PCDHGA4: variants seen among roughly 807,000 people sequenced by gnomAD.
The protein encoded by PCDHGA4 is protocadherin gamma subfamily A, 4, also known as protocadherin gamma-A4.
PCDHGA4 carries 38 observed loss-of-function variants against 54.6 expected under a neutral mutation model. The ratio of observed to expected loss-of-function variants is 0.70; its 90% CI spans 0.54 to 0.91. The LOEUF is 0.91. Ranked by LOEUF, PCDHGA4 falls within the 40% of genes least tolerant of loss-of-function variation. The pLI, the probability that PCDHGA4 is intolerant of heterozygous loss-of-function variation, is 0.00. For synonymous variants in PCDHGA4, 511 were observed against 512.9 expected, an observed-to-expected ratio of 1.00 and a Z score of 0.05; for missense variants, 1,298 against 1,220.9, an observed-to-expected ratio of 1.06 and a Z score of -0.94.
chr5:141,406,796 T>C (rs1010773625), intron 1 of PCDHGA4, among the ~76,000 whole-genome samples: 7 of 152,362 alleles, frequency 4.6e-5, no homozygotes, highest in Admixed American at 1.3e-4. Flanking sequence ...TATTTCTGGC[T>C]CAATTCTCCA....
intron 1 of PCDHGA4, chr5:141,408,296 C>T (rs2154539952): frequency 1.2e-6 from 2 of 1,613,550 alleles, no homozygotes; most frequent in Non-Finnish European, 1.7e-6. Flanking sequence ...CCTGAGTGAG[C>T]CGATCCGCTA....
At chr5:141,391,312 T>C (rs2092346265) in intron 1 of PCDHGA4, 1 of 151,466 alleles carries the variant, frequency 6.6e-6, no homozygotes, top group African/African-American at 2.4e-5. Flanking sequence ...GATTCTTTTT[T>C]TTTTCTTTTT....
chr5:141,421,174 C>T (rs2096550677), intron 1 of PCDHGA4: 2 of 1,378,742 alleles, frequency 1.5e-6, no homozygotes, highest in Non-Finnish European at 1.9e-6. Flanking sequence ...ATACATAAGC[C>T]GATTCACAAC....
At chr5:141,478,098 C>T (rs779493391) in intron 1 of PCDHGA4, 1 of 1,614,142 alleles carries the variant, frequency 6.2e-7, no homozygotes, top group South Asian at 1.1e-5. Flanking sequence ...ACCACTGCTA[C>T]CCTCACTGTG....
intron 1 of PCDHGA4, among the ~76,000 whole-genome samples, chr5:141,453,673 AC>A (rs1459216908): frequency 6.6e-6 from 1 of 152,230 alleles, no homozygotes; most frequent in African/African-American, 2.4e-5. Flanking sequence ...ACAAAAGGTA[AC>A]ACACTATGTA....
chr5:141,413,446 G>T, intron 1 of PCDHGA4: 4 of 1,614,130 alleles, frequency 2.5e-6, no homozygotes, highest in Non-Finnish European at 3.4e-6. Context: ...CTTGATCACC[G>T]CGGGCAGGAT....
Position 141,489,515 on chromosome 5 carries a change from G to C in PCDHGA4, c.2515-5292G>C, listed in dbSNP as rs983415025. On this transcript the variant is annotated intron_variant, in intron 1 of 3. Coordinates refer to ENST00000571252, the MANE Select transcript of PCDHGA4 (RefSeq NM_018917.4). The surrounding 1 kb of genome is among the most constrained non-coding windows in gnomAD (Gnocchi z 4.5). ...CTGGCAGTGAATCAAAAGATTGACC[G>C]AGAAAGCCTATGTGGAGCCAGCACC... 1 of 1,614,104 alleles carries C rather than the reference G, an allele frequency of 6.2e-7. No individual in the cohort carries two copies. The highest frequency in any genetic ancestry group is 8.5e-7 in the Non-Finnish European group (1 of 1,180,034).
rs770419617 is a variant in PCDHGA4, at chr5:141,421,523, C to T, written c.2514+63902C>T. The T allele has an allele frequency of 2.5e-6, 4 of 1,614,034 alleles. No homozygotes were observed. In the Admixed American group the frequency reaches 5.0e-5, roughly 20 times the overall value. ...ATAGACCGGGAGGAGCTCTGTGAGA[C>T]GGTGTCCTCCTGTTTTTTAAATATG... On this transcript the variant is annotated intron_variant, in intron 1 of 3. Transcript: ENST00000571252.
intron 3 of PCDHGA4, among the ~76,000 whole-genome samples, chr5:141,510,048 G>GTGAT (rs1392197406): frequency 1.3e-5 from 2 of 152,192 alleles, no homozygotes; most frequent in Non-Finnish European, 2.9e-5. Context: ...GAGGTTAAAA[G>GTGAT]TGATTGTGCA....
chr5:141,461,072 A>G (rs555905734), intron 1 of PCDHGA4, among the ~76,000 whole-genome samples: 2 of 151,574 alleles, frequency 1.3e-5, no homozygotes, highest in Non-Finnish European at 2.9e-5. Flanking sequence ...ACATTTTTGC[A>G]ATTGTGAATT....
intron 1 of PCDHGA4, chr5:141,384,672 G>A (rs1316537355): frequency 6.2e-7 from 1 of 1,614,086 alleles, no homozygotes; most frequent in Non-Finnish European, 8.5e-7. Flanking sequence ...TGACCAAGGT[G>A]GTGGCGGTGG....
At chr5:141,360,128 G>A (rs1761430982) in intron 1 of PCDHGA4, 1 of 1,586,806 alleles carries the variant, frequency 6.3e-7, no homozygotes. Context: ...AGCAAAGGGA[G>A]CCAGAAGATG....
At chr5:141,447,263 C>A (rs953578064) in intron 1 of PCDHGA4, among the ~76,000 whole-genome samples, 1 of 152,116 alleles carries the variant, frequency 6.6e-6, no homozygotes, top group Non-Finnish European at 1.5e-5. Context: ...TCTCAGCCTC[C>A]CAAGTAGCTG....
intron 1 of PCDHGA4, chr5:141,415,308 C>A: frequency 6.2e-7 from 1 of 1,614,236 alleles, no homozygotes; most frequent in Non-Finnish European, 8.5e-7. Context: ...TCCTGGCCTT[C>A]GTCATCGTGC....
rs751276470 is a variant in PCDHGA4, at chr5:141,431,560, C to A, written c.2515-63247C>A. 6.2e-7 allele frequency: 1 copy of A among 1,614,104 alleles called. No individual in the cohort carries two copies. On this transcript the variant is annotated intron_variant, in intron 1 of 3. Coordinates refer to ENST00000571252, the MANE Select transcript of PCDHGA4 (RefSeq NM_018917.4). This position sits in a 1 kb window ranked among gnomAD's most constrained non-coding sequence, Gnocchi z 4.8. ...CGCAGCTGCTTGTAGTCAACGCTAC[C>A]GACCCTGACGAAGGAGTCAATGCGG...
Position 141,432,599 on chromosome 5 carries a change from C to T in PCDHGA4, c.2515-62208C>T. 2.5e-6 allele frequency: 4 copies of T among 1,613,908 alleles called. No individual in the cohort carries two copies. The highest frequency in any genetic ancestry group is 2.7e-5 in the African/African-American group (2 of 75,052). On this transcript the variant is annotated intron_variant, in intron 1 of 3. Coordinates refer to ENST00000571252, the MANE Select transcript of PCDHGA4 (RefSeq NM_018917.4). The surrounding 1 kb of genome is among the most constrained non-coding windows in gnomAD (Gnocchi z 6.0). Reference sequence around the variant, plus strand: ...CTACCGTCTGCTCAAGGCCAGCGAGCCGGGACTCTTCTCGGTGGGTCTGCA... The same window carrying T: ...CTACCGTCTGCTCAAGGCCAGCGAGTCGGGACTCTTCTCGGTGGGTCTGCA...
intron 1 of PCDHGA4, chr5:141,379,057 T>C (rs974258347): frequency 2.0e-5 from 3 of 152,238 alleles, no homozygotes; most frequent in African/African-American, 7.2e-5. Flanking sequence ...TAGAATGGAT[T>C]GGCCACTTGT....
At chr5:141,393,559 T>A (rs1349401032) in intron 1 of PCDHGA4, 1 of 1,613,814 alleles carries the variant, frequency 6.2e-7, no homozygotes, top group Non-Finnish European at 8.5e-7. Context: ...ATTTACCGAG[T>A]GAAAGTCCTT....
chr5:141,376,310 G>C, intron 1 of PCDHGA4: 1 of 1,613,946 alleles, frequency 6.2e-7, no homozygotes. Flanking sequence ...CTTTGTGGGC[G>C]TGGAAGGGGT....
Sources: gnomAD v4.1 joint callset for allele counts (sites outside exome capture counted in the v4.1 genomes callset) on GRCh38, gnomAD v4.1.1 for gene constraint, Gnocchi (gnomAD v3.1) non-coding constraint, MANE v1.5 for transcripts, NCBI Gene and HGNC (gene_info 2026-07-23, HGNC 2026-07-21) for gene names.